The following BABAM2 variants were observed in gnomAD, a reference collection of about 807,000 sequenced individuals.
The protein encoded by BABAM2 is BRISC and BRCA1-A complex member 2.
In BABAM2, 31 loss-of-function variants were observed where a neutral mutation model predicts 54.7. The observed-to-expected ratio is 0.57, with a 90% CI of 0.43 to 0.77. The LOEUF (loss-of-function observed/expected upper bound fraction) is 0.77, where lower values mean the gene tolerates loss of function less well. BABAM2 is among the 30% of genes least tolerant of loss of function. The pLI is 0.00. For synonymous variants in BABAM2, 167 were observed against 162.9 expected (o/e 1.03, Z -0.19); for missense variants, 364 against 455.8 (o/e 0.80, Z 1.83).
At chr2:28,255,548 TA>T (rs1341853261) in intron 10 of BABAM2, among the ~76,000 whole-genome samples, 2 of 152,206 alleles carry the variant, frequency 1.3e-5, no homozygotes, top group Non-Finnish European at 2.9e-5. Flanking sequence ...GTGCTGGGAT[TA>T]CAGGCATAAG....
chr2:28,045,971 A>G (rs1203375523), intron 6 of BABAM2, among the ~76,000 whole-genome samples, 172 bp downstream of exon 6: 5 of 152,256 alleles, frequency 3.3e-5, no homozygotes, highest in African/African-American at 1.2e-4. Context: ...AAGCTAAAAT[A>G]GTAACTGTGA....
At chr2:28,113,164 C>T (rs554330256) in intron 6 of BABAM2, among the ~76,000 whole-genome samples, 69 of 152,280 alleles carry the variant, frequency 4.5e-4, no homozygotes, top group African/African-American at 1.7e-3. Flanking sequence ...CCTGTTCACT[C>T]TGATGATAGT....
rs577569947 is a variant in BABAM2, at chr2:28,221,879, A to G, written c.681-15323A>G. 4.6e-5 allele frequency among the ~76,000 whole-genome samples: 7 copies of G among 152,324 alleles called. No individual in the cohort carries two copies. In the East Asian group the frequency reaches 1.2e-3, roughly 25 times the overall value. ...GCAATGAGCATGCCTGCAGCTTAAC[A>G]GTTTCAGAATGTGATGGGAGCGAAC... On this transcript the variant is annotated intron_variant, in intron 7 of 11. Coordinates refer to ENST00000379624, the MANE Select transcript of BABAM2 (RefSeq NM_199191.3).
In BABAM2 at chr2:28,184,335, T is replaced by C. The variant is rs139769063; in HGVS notation, c.681-52867T>C. ...CTCTCTGTCTCTCTCTCTCCAGGTA[T>C]TTTTTTTAAATACTTTAAGTTCTAG... On this transcript the variant is annotated intron_variant, in intron 7 of 11. Coordinates refer to ENST00000379624, the MANE Select transcript of BABAM2 (RefSeq NM_199191.3). 4.4e-3 allele frequency among the ~76,000 whole-genome samples: 647 copies of C among 145,962 alleles called. 6 individuals are homozygous for C. Among genetic ancestry groups the C allele is most frequent in the African/African-American group, 0.016 (621 of 39,910 alleles).
chr2:28,078,715 A>C (rs1391288111), intron 6 of BABAM2, among the ~76,000 whole-genome samples: 1 of 152,062 alleles, frequency 6.6e-6, no homozygotes, highest in African/African-American at 2.4e-5. Flanking sequence ...TTTCTATAAT[A>C]ATTTGGCAGT....
At chr2:28,020,992 A>AC (rs1573407146) in intron 4 of BABAM2, among the ~76,000 whole-genome samples, 2 of 89,270 alleles carry the variant, frequency 2.2e-5, no homozygotes, top group South Asian at 4.1e-4. Context: ...CACACACACA[A>AC]ACTACTTGTA....
intron 10 of BABAM2, among the ~76,000 whole-genome samples, chr2:28,267,015 G>A (rs1685038162): frequency 6.6e-6 from 1 of 152,172 alleles, no homozygotes. Flanking sequence ...AATTAGCTGG[G>A]TGTGGTGACA....
At chr2:28,076,661 A>AT (rs1253801933) in intron 6 of BABAM2, among the ~76,000 whole-genome samples, 347 of 151,076 alleles carry the variant, frequency 2.3e-3, no homozygotes, top group African/African-American at 8.0e-3. Context: ...ATGCCTGGCT[A>AT]TTTTTTTTGT....
At position 28,322,825 on chromosome 2, in the gene BABAM2, A is replaced by C. The variant is rs1690134563; in HGVS notation, c.1089-15625A>C. On this transcript the variant is annotated intron_variant, in intron 11 of 11. Coordinates refer to ENST00000379624, the MANE Select transcript of BABAM2 (RefSeq NM_199191.3). The surrounding 1 kb of genome is among the most constrained non-coding windows in gnomAD (Gnocchi z 4.1). ...CTGCCAGACTTGCAAAGGGGAATTA[A>C]TTATTGTTTGTGATACAATTAAAAT... Among the ~76,000 whole-genome samples, 1 of 152,252 alleles carries C rather than the reference A, an allele frequency of 6.6e-6. No individual in the cohort carries two copies. The highest frequency in any genetic ancestry group is 2.4e-5 in the African/African-American group (1 of 41,470).
intron 11 of BABAM2, among the ~76,000 whole-genome samples, chr2:28,311,971 A>T (rs763529363): frequency 1.8e-4 from 28 of 152,242 alleles, no homozygotes; most frequent in Non-Finnish European, 8.8e-5. Context: ...TAGATGCAAT[A>T]CATTTTCAGA....
chr2:28,192,754 C>T (rs1290545544), intron 7 of BABAM2, among the ~76,000 whole-genome samples: 1 of 151,842 alleles, frequency 6.6e-6, no homozygotes, highest in African/African-American at 2.4e-5. Flanking sequence ...TATCTCCTGA[C>T]CTCGTGATCC....
chr2:28,249,629 A>C (rs1683256327), intron 10 of BABAM2, among the ~76,000 whole-genome samples: 1 of 152,162 alleles, frequency 6.6e-6, no homozygotes, highest in Non-Finnish European at 1.5e-5. Flanking sequence ...GTTATATGAG[A>C]GAGGCTCATA....
chr2:27,951,167 C>T (rs1558612909), intron 3 of BABAM2, among the ~76,000 whole-genome samples: 1 of 152,080 alleles, frequency 6.6e-6, no homozygotes, highest in Non-Finnish European at 1.5e-5. Context: ...TTATTGATTT[C>T]CATTCAGATT....
chr2:28,045,455 CAAA>C (rs373414968), intron 5 of BABAM2, among the ~76,000 whole-genome samples: 1 of 151,984 alleles, frequency 6.6e-6, no homozygotes, highest in Non-Finnish European at 1.5e-5. Flanking sequence ...TTTTAAGAAA[CAAA>C]AAGGCAATTC....
chr2:28,188,857 C>G (rs1423345282), intron 7 of BABAM2, among the ~76,000 whole-genome samples: 2 of 152,110 alleles, frequency 1.3e-5, no homozygotes, highest in East Asian at 1.9e-4. Context: ...TGAACACAGA[C>G]TAGTTTCAAA....
At position 28,256,851 on chromosome 2, in the gene BABAM2, C is replaced by T. The variant is rs532814486; in HGVS notation, c.934+11989C>T. Among the ~76,000 whole-genome samples, 9 of 152,170 alleles carry T rather than the reference C, an allele frequency of 5.9e-5. No homozygotes were observed. In the South Asian group the frequency reaches 1.9e-3, roughly 32 times the overall value. On this transcript the variant is annotated intron_variant, in intron 10 of 11. Coordinates refer to ENST00000379624, the MANE Select transcript of BABAM2 (RefSeq NM_199191.3). ...CTGGGATTACAGGCGCACAGCAACACACCTGGCTAATTTTTGTATTTTTGG... is the reference window on the plus strand; with the variant it reads ...CTGGGATTACAGGCGCACAGCAACATACCTGGCTAATTTTTGTATTTTTGG...
chr2:27,982,335 A>G (rs916303639), intron 3 of BABAM2, among the ~76,000 whole-genome samples: 1 of 152,072 alleles, frequency 6.6e-6, no homozygotes, highest in Non-Finnish European at 1.5e-5. Flanking sequence ...GAAGGCCAAA[A>G]TTTTTAATTT....
intron 2 of BABAM2, among the ~76,000 whole-genome samples, chr2:27,923,164 A>T (rs944406692): frequency 2.0e-5 from 3 of 152,246 alleles, no homozygotes; most frequent in African/African-American, 7.2e-5. Flanking sequence ...ATCACAGTAT[A>T]AAGACTTTCA....
intron 4 of BABAM2, among the ~76,000 whole-genome samples, chr2:28,017,617 A>T (rs2148546457): frequency 6.6e-6 from 1 of 152,314 alleles, no homozygotes; most frequent in East Asian, 1.9e-4. Flanking sequence ...TACCATAGTG[A>T]ATTTAGATCA....
Sources: allele counts gnomAD v4.1 joint callset (sites outside exome capture counted in the v4.1 genomes callset), GRCh38; gene constraint gnomAD v4.1.1; non-coding constraint Gnocchi (gnomAD v3.1); transcripts MANE v1.5; gene names NCBI Gene and HGNC (gene_info 2026-07-23, HGNC 2026-07-21).